LUZP2: variants seen among roughly 807,000 people sequenced by gnomAD.
LUZP2 encodes leucine zipper protein 2.
LUZP2 carries 52 observed loss-of-function variants against 51.6 expected under a neutral mutation model. The ratio of observed to expected loss-of-function variants is 1.01; its 90% CI spans 0.81 to 1.27. The LOEUF (loss-of-function observed/expected upper bound fraction) is 1.27. Ranked by LOEUF, LUZP2 falls within the 50% of genes most tolerant of loss-of-function variation. The pLI, the probability that LUZP2 is intolerant of heterozygous loss-of-function variation, is 0.00. For synonymous variants in LUZP2, 154 were observed against 137.3 expected (o/e 1.12, Z -0.85); for missense variants, 436 against 395.4 (o/e 1.10, Z -0.87).
chr11:24,902,799 C>T (rs1469547236), intron 5 of LUZP2, among the ~76,000 whole-genome samples: 1 of 151,976 alleles, frequency 6.6e-6, no homozygotes, highest in African/African-American at 2.4e-5. Context: ...TTAGTATTTG[C>T]TATAATTTAT....
chr11:24,869,575 G>A (rs1402752422), intron 5 of LUZP2, among the ~76,000 whole-genome samples: 1 of 151,950 alleles, frequency 6.6e-6, no homozygotes, highest in Non-Finnish European at 1.5e-5. Context: ...TCCTGCCTCA[G>A]CCTCCCAAGT....
At chr11:24,630,241 G>A (rs971731870) in intron 1 of LUZP2, among the ~76,000 whole-genome samples, 1 of 151,776 alleles carries the variant, frequency 6.6e-6, no homozygotes, top group Non-Finnish European at 1.5e-5. Flanking sequence ...GTGCTTTTCA[G>A]GTCTTAGTCA....
rs140292228 is a variant in LUZP2, at chr11:24,629,275, C to T, written c.63-99894C>T. Among the ~76,000 whole-genome samples, 5 of 151,746 alleles carry T rather than the reference C, an allele frequency of 3.3e-5. No individual in the cohort carries two copies. The South Asian group carries it at 8.3e-4, about 25-fold the overall frequency. ...AGTTTCTATTGTCTGTTATTACATA[C>T]TCTACGTTCATATGTACACATTATT... is the stretch of plus-strand genomic sequence containing the variant. On this transcript the variant is annotated intron_variant, in intron 1 of 11. Transcript: ENST00000336930.
intron 1 of LUZP2, among the ~76,000 whole-genome samples, chr11:24,502,715 A>G (rs1360898007): frequency 2.6e-5 from 4 of 152,176 alleles, no homozygotes; most frequent in Admixed American, 1.3e-4. Flanking sequence ...GGTGCTGTAC[A>G]CTTTGGTGAA....
At chr11:25,026,890 A>C (rs58686298) in intron 9 of LUZP2, among the ~76,000 whole-genome samples, 2,588 of 118,626 alleles carry the variant, frequency 0.022, 42 homozygotes, top group East Asian at 0.1. Flanking sequence ...TTCTTTCTTT[A>C]TTTATTTTTT....
At chr11:24,912,741 C>T (rs542990818) in intron 6 of LUZP2, among the ~76,000 whole-genome samples, 1 of 151,986 alleles carries the variant, frequency 6.6e-6, no homozygotes, top group South Asian at 2.1e-4. Flanking sequence ...ACCAAGGAGG[C>T]GGAGGTTGCA....
At chr11:24,674,418 C>G (rs2133855713) in intron 1 of LUZP2, among the ~76,000 whole-genome samples, 1 of 152,192 alleles carries the variant, frequency 6.6e-6, no homozygotes, top group Non-Finnish European at 1.5e-5. Context: ...ACAAGTGTCC[C>G]ACCTTTTCAT....
chr11:24,716,895 C>CA (rs141515496), intron 1 of LUZP2, among the ~76,000 whole-genome samples: 37,958 of 151,068 alleles, frequency 0.25, 5,112 homozygotes, highest in East Asian at 0.46. Flanking sequence ...GACTACATCT[C>CA]AAAAAAATTT....
At chr11:25,014,883 A>G (rs1293009258) in intron 9 of LUZP2, among the ~76,000 whole-genome samples, 4 of 152,048 alleles carry the variant, frequency 2.6e-5, no homozygotes, top group Admixed American at 1.3e-4. Flanking sequence ...TATGGTTTTA[A>G]GTCTAACATT....
At chr11:25,045,048 G>A (rs1858253333) in intron 9 of LUZP2, among the ~76,000 whole-genome samples, 1 of 43,344 alleles carries the variant, frequency 2.3e-5, no homozygotes, top group South Asian at 1.5e-3. Flanking sequence ...ATCACACTCT[G>A]GGGACTGTTG....
In LUZP2 at chr11:24,682,140, C is replaced by T. The variant is rs927285711; in HGVS notation, c.63-47029C>T. Reference sequence around the variant, plus strand: ...TGAAAATAGTTCTAAGATATTCCACCTTCATCAACTTTTACTGTAAATGTG... The same window carrying T: ...TGAAAATAGTTCTAAGATATTCCACTTTCATCAACTTTTACTGTAAATGTG... On this transcript the variant is annotated intron_variant, in intron 1 of 11. Transcript: ENST00000336930. 7.2e-5 allele frequency among the ~76,000 whole-genome samples: 11 copies of T among 152,088 alleles called. No individual in the cohort carries two copies. The South Asian group carries it at 8.3e-4, about 11-fold the overall frequency.
intron 5 of LUZP2, among the ~76,000 whole-genome samples, chr11:24,817,901 C>G (rs1178544777): frequency 6.6e-6 from 1 of 151,952 alleles, no homozygotes; most frequent in Non-Finnish European, 1.5e-5. Flanking sequence ...AACATATCTT[C>G]CAGCTGATTT....
chr11:24,613,723 G>A (rs1203673122), intron 1 of LUZP2, among the ~76,000 whole-genome samples: 1 of 151,902 alleles, frequency 6.6e-6, no homozygotes, highest in Non-Finnish European at 1.5e-5. Context: ...GAGATAACAT[G>A]AAGTTATTAT....
intron 1 of LUZP2, among the ~76,000 whole-genome samples, chr11:24,715,814 T>A (rs953707698): frequency 6.6e-6 from 1 of 152,318 alleles, no homozygotes; most frequent in Non-Finnish European, 1.5e-5. Context: ...TGTTTGCATA[T>A]ATTTTTTCAA....
chr11:24,824,391 A>AAAAAAAAAAAAAAAAAG (rs1850462820), intron 5 of LUZP2, among the ~76,000 whole-genome samples: 1 of 148,184 alleles, frequency 6.7e-6, no homozygotes, highest in African/African-American at 2.5e-5. Flanking sequence ...AAAAAAAAAA[A>AAAAAAAAAAAAAAAAAG]AATGAGTGGT....
intron 9 of LUZP2, among the ~76,000 whole-genome samples, chr11:25,002,454 G>A (rs1013551401): frequency 1.1e-4 from 17 of 152,168 alleles, no homozygotes; most frequent in African/African-American, 3.9e-4. Flanking sequence ...TGAAGCACCG[G>A]TCCCTCAAGG....
intron 1 of LUZP2, among the ~76,000 whole-genome samples, chr11:24,668,059 A>G (rs953608422): frequency 1.5e-4 from 23 of 152,244 alleles, no homozygotes; most frequent in African/African-American, 5.3e-4. Flanking sequence ...CAGACTGGAA[A>G]GAAAATCTTG....
At chr11:24,827,671 G>A (rs1437656974) in intron 5 of LUZP2, among the ~76,000 whole-genome samples, 1 of 152,130 alleles carries the variant, frequency 6.6e-6, no homozygotes, top group Admixed American at 6.5e-5. Flanking sequence ...GTGGAAACCA[G>A]ACCAGGCAAG....
intron 4 of LUZP2, 96 bp downstream of exon 4, chr11:24,738,398 A>T: frequency 1.3e-6 from 1 of 781,472 alleles, no homozygotes; most frequent in Non-Finnish European, 2.1e-6. Flanking sequence ...ACCTATAAAA[A>T]ATAAAAGTGA....
Sources: allele counts gnomAD v4.1 joint callset (sites outside exome capture counted in the v4.1 genomes callset), GRCh38; gene constraint gnomAD v4.1.1; transcripts MANE v1.5; gene names NCBI Gene and HGNC (gene_info 2026-07-23, HGNC 2026-07-21).